The following SLC9A9 variants were observed in gnomAD, a reference collection of about 807,000 sequenced individuals.
The protein encoded by SLC9A9 is sodium/hydrogen exchanger 9.
In SLC9A9, 62 loss-of-function variants were observed where a neutral mutation model predicts 77.8. The ratio of observed to expected loss-of-function variants is 0.80; its 90% CI spans 0.65 to 0.98. The LOEUF (loss-of-function observed/expected upper bound fraction) is 0.98, where lower values mean the gene tolerates loss of function less well. Ranked by LOEUF, SLC9A9 falls within the 50% of genes least tolerant of loss-of-function variation. The probability of loss-of-function intolerance (pLI) is 0.00; values close to 1 mark genes in which losing one functional copy is unlikely to be tolerated. For synonymous variants in SLC9A9, 320 were observed against 283.5 expected (o/e 1.13, Z -1.29); for missense variants, 775 against 774.9 (o/e 1.00, Z 0.00).
intron 4 of SLC9A9, among the ~76,000 whole-genome samples, chr3:143,762,172 C>A (rs1039216056): frequency 2.0e-5 from 3 of 152,094 alleles, no homozygotes; most frequent in Admixed American, 1.3e-4. Flanking sequence ...AGGGGAACAT[C>A]ACCCACTGGG....
chr3:143,281,263 C>T (rs1165938781), intron 14 of SLC9A9, among the ~76,000 whole-genome samples: 3 of 152,158 alleles, frequency 2.0e-5, no homozygotes, highest in Admixed American at 2.0e-4. Context: ...ATCACCACAT[C>T]CTTAGCAGCC....
intron 6 of SLC9A9, among the ~76,000 whole-genome samples, chr3:143,616,448 T>C (rs1032970290): frequency 1.3e-5 from 2 of 152,154 alleles, no homozygotes; most frequent in African/African-American, 4.8e-5. Context: ...GGACAGTGAA[T>C]GAAGAGGCAA....
At chr3:143,682,486 A>G (rs1018118010) in intron 5 of SLC9A9, among the ~76,000 whole-genome samples, 5 of 152,202 alleles carry the variant, frequency 3.3e-5, no homozygotes, top group East Asian at 1.9e-4. Context: ...AAAAATTTGT[A>G]TAAGTTGAGA....
intron 6 of SLC9A9, among the ~76,000 whole-genome samples, chr3:143,626,453 C>T (rs1375542261): frequency 2.6e-5 from 4 of 152,182 alleles, no homozygotes; most frequent in Admixed American, 2.6e-4. Flanking sequence ...ATGATGAGTT[C>T]ATATCCTTTG....
intron 14 of SLC9A9, among the ~76,000 whole-genome samples, chr3:143,362,676 G>T (rs2032784593): frequency 6.6e-6 from 1 of 152,162 alleles, no homozygotes; most frequent in South Asian, 2.1e-4. Flanking sequence ...CTCACTGAAA[G>T]GAGAGGGATT....
intron 8 of SLC9A9, among the ~76,000 whole-genome samples, chr3:143,552,963 C>T (rs1489894052): frequency 2.6e-5 from 4 of 152,128 alleles, no homozygotes; most frequent in African/African-American, 9.7e-5. Context: ...GGTTTTGCTG[C>T]CCCTGCCAAC....
chr3:143,351,134 A>T (rs1185571384), intron 14 of SLC9A9, among the ~76,000 whole-genome samples: 1 of 152,230 alleles, frequency 6.6e-6, no homozygotes, highest in Non-Finnish European at 1.5e-5. Flanking sequence ...ATGTTATATC[A>T]CAACCCAGGG....
chr3:143,839,127 G>C (rs2009643608), intron 1 of SLC9A9, among the ~76,000 whole-genome samples: 1 of 151,994 alleles, frequency 6.6e-6, no homozygotes, highest in Non-Finnish European at 1.5e-5. Context: ...TGTTTTTGGT[G>C]GGGGAGTTTG....
intron 9 of SLC9A9, among the ~76,000 whole-genome samples, chr3:143,544,800 G>C (rs1392975187): frequency 6.6e-6 from 1 of 152,122 alleles, no homozygotes; most frequent in East Asian, 1.9e-4. Flanking sequence ...TATAGTTTAA[G>C]GTCCTACATT....
At chr3:143,653,109 G>A (rs944135150) in intron 5 of SLC9A9, among the ~76,000 whole-genome samples, 1 of 152,216 alleles carries the variant, frequency 6.6e-6, no homozygotes, top group Admixed American at 6.5e-5. Flanking sequence ...TGTGAAGGGA[G>A]ACACGGTTCC....
rs561669953 is a variant in SLC9A9 at position 143,803,128 on chromosome 3, T to C, written c.379-6225A>G. On this transcript the variant is annotated intron_variant, in intron 2 of 15. Transcript: ENST00000316549. ...GTCATCTATAGTACCCCAACTGCCGTCCACCTGCAGGATCCTCCCCACTGG... is the reference window on the plus strand; with the variant it reads ...GTCATCTATAGTACCCCAACTGCCGCCCACCTGCAGGATCCTCCCCACTGG... 2.0e-5 allele frequency among the ~76,000 whole-genome samples: 3 copies of C among 152,222 alleles called. No homozygotes were observed. The South Asian group carries it at 6.2e-4, about 32-fold the overall frequency.
At chr3:143,507,442 C>T (rs980009362) in intron 9 of SLC9A9, among the ~76,000 whole-genome samples, 1 of 152,030 alleles carries the variant, frequency 6.6e-6, no homozygotes, top group Admixed American at 6.6e-5. Flanking sequence ...CTCCTGACCT[C>T]GTGATCTGCC....
At chr3:143,606,436 C>CTATATATATATATATATATATATATA (rs60773685) in intron 6 of SLC9A9, among the ~76,000 whole-genome samples, 1 of 54,188 alleles carries the variant, frequency 1.8e-5, no homozygotes, top group Non-Finnish European at 3.2e-5. Flanking sequence ...CTCTCTCTCT[C>CTATATATATATATATATATATATATA]TATATATATA....
intron 5 of SLC9A9, among the ~76,000 whole-genome samples, chr3:143,685,607 G>A (rs900235374): frequency 6.6e-6 from 1 of 152,252 alleles, no homozygotes; most frequent in East Asian, 1.9e-4. Context: ...TTGATGAAGT[G>A]AGAAAATGCA....
chr3:143,408,575 G>A (rs953668542), intron 12 of SLC9A9, among the ~76,000 whole-genome samples: 1 of 152,202 alleles, frequency 6.6e-6, no homozygotes, highest in African/African-American at 2.4e-5. Flanking sequence ...CTCGAGCAGG[G>A]TGTCTTTCAG....
At position 143,668,740 on chromosome 3, in the gene SLC9A9, G is replaced by C. The variant is rs115711456; in HGVS notation, c.650-16380C>G. Among the ~76,000 whole-genome samples the C allele has an allele frequency of 3.9e-3, 591 of 152,310 alleles. 3 individuals are homozygous for C. The highest frequency in any genetic ancestry group is 0.014 in the African/African-American group (578 of 41,564). On this transcript the variant is annotated intron_variant, in intron 5 of 15. Transcript: ENST00000316549. ...CTGAAGGTCACCCACCATGTGGTTA[G>C]CTCCTCGAGGATCAGAACAGCTCCT...
intron 14 of SLC9A9, among the ~76,000 whole-genome samples, chr3:143,303,066 A>T (rs2030605605): frequency 6.6e-6 from 1 of 152,084 alleles, no homozygotes; most frequent in Non-Finnish European, 1.5e-5. Context: ...TCCCTTCCGG[A>T]CTTCCAGTGT....
chr3:143,732,220 T>C (rs1338955913), intron 4 of SLC9A9, among the ~76,000 whole-genome samples: 3 of 152,246 alleles, frequency 2.0e-5, no homozygotes, highest in African/African-American at 7.2e-5. Flanking sequence ...GAATTTTAAA[T>C]ATTTTGCATT....
chr3:143,400,521 T>A (rs1026658012), intron 12 of SLC9A9, among the ~76,000 whole-genome samples: 2 of 151,958 alleles, frequency 1.3e-5, no homozygotes, highest in African/African-American at 4.8e-5. Context: ...ACATTGAACA[T>A]TGGGGAGTCA....
Sources: gnomAD v4.1 joint callset for allele counts (sites outside exome capture counted in the v4.1 genomes callset) on GRCh38, gnomAD v4.1.1 for gene constraint, MANE v1.5 for transcripts, NCBI Gene and HGNC (gene_info 2026-07-23, HGNC 2026-07-21) for gene names.